Variants in SCARA3 observed in about 807,000 individuals in gnomAD.
SCARA3 encodes scavenger receptor class A member 3, also known as cellular stress response gene protein.
A neutral mutation model predicts 47.0 loss-of-function variants in SCARA3; 39 were observed. The observed-to-expected ratio is 0.83, with a 90% CI of 0.64 to 1.08. The LOEUF (loss-of-function observed/expected upper bound fraction) is 1.08, where lower values mean the gene tolerates loss of function less well. Among genes scored for constraint, SCARA3 ranks in the 50% least tolerant of loss-of-function variants. SCARA3 has a pLI of 0.00. For missense variants in SCARA3, 724 were observed against 792.3 expected, an observed-to-expected ratio of 0.91 and a Z score of 1.04; for synonymous variants, 356 against 334.1, an observed-to-expected ratio of 1.07 and a Z score of -0.71.
At chr8:27,717,945 A>C in the SCARA3 span, among the ~76,000 whole-genome samples, 1 of 152,010 alleles carries the variant, frequency 6.6e-6, no homozygotes, top group Non-Finnish European at 1.5e-5. Flanking sequence ...TTCCAACCGC[A>C]TCCTCTCAAT....
downstream of SCARA3, chr8:27,673,078 C>G: frequency 1.2e-6 from 1 of 849,466 alleles, no homozygotes; most frequent in Non-Finnish European, 1.4e-6. Flanking sequence ...CAGGGCTGCA[C>G]TCCAGGTGGG....
At chr8:27,676,598 T>G, downstream of SCARA3, 1 of 1,556,564 alleles carries the variant, frequency 6.4e-7, no homozygotes, top group Non-Finnish European at 8.9e-7. Context: ...TAATCGGATA[T>G]GATATGAAGC....
chr8:27,719,537 TAAA>T, the SCARA3 span, among the ~76,000 whole-genome samples: 1 of 139,664 alleles, frequency 7.2e-6, no homozygotes, highest in Admixed American at 7.4e-5. Context: ...AAATAAAAGT[TAAA>T]AAAAAAAAAA....
At chr8:27,710,260 C>T in the SCARA3 span, among the ~76,000 whole-genome samples, 1 of 150,346 alleles carries the variant, frequency 6.7e-6, no homozygotes, top group Non-Finnish European at 1.5e-5. Context: ...GGAGAGATTT[C>T]TCTTATGCTT....
chr8:27,723,708 C>A, the SCARA3 span, among the ~76,000 whole-genome samples: 1 of 152,126 alleles, frequency 6.6e-6, no homozygotes, highest in Non-Finnish European at 1.5e-5. Flanking sequence ...CCATGGAAAG[C>A]AAGACTAGGT....
chr8:27,699,016 A>C, the SCARA3 span, among the ~76,000 whole-genome samples: 32 of 151,860 alleles, frequency 2.1e-4, no homozygotes, highest in African/African-American at 7.5e-4. Context: ...AGGCCGAGGC[A>C]GGTGGATCAT....
chr8:27,723,860 C>T, the SCARA3 span, among the ~76,000 whole-genome samples: 114 of 152,276 alleles, frequency 7.5e-4, no homozygotes, highest in African/African-American at 2.4e-3. Flanking sequence ...CTCAGCCTCC[C>T]GAGTAGCTGG....
the SCARA3 span, among the ~76,000 whole-genome samples, chr8:27,719,916 T>C: frequency 6.6e-6 from 1 of 152,154 alleles, no homozygotes; most frequent in African/African-American, 2.4e-5. Flanking sequence ...GATTATAATT[T>C]ACTCTGAGAA....
At chr8:27,660,588 C>A (rs1801879181) in intron 5 of SCARA3, among the ~76,000 whole-genome samples, 1 of 143,406 alleles carries the variant, frequency 7.0e-6, no homozygotes. Context: ...TAGATAGATC[C>A]AGAGAAGCAA....
At chr8:27,723,801 T>A in the SCARA3 span, among the ~76,000 whole-genome samples, 1 of 152,220 alleles carries the variant, frequency 6.6e-6, no homozygotes, top group East Asian at 1.9e-4. Flanking sequence ...AACGGTGCGA[T>A]CTCAGCTCAC....
intron 5 of SCARA3, among the ~76,000 whole-genome samples, chr8:27,665,566 C>T (rs1801999265): frequency 6.6e-6 from 1 of 152,190 alleles, no homozygotes; most frequent in Non-Finnish European, 1.5e-5. Context: ...GAGACAGGGT[C>T]TCACTTTGTT....
At chr8:27,677,207 T>G (rs1802291497), downstream of SCARA3, among the ~76,000 whole-genome samples, 1 of 152,196 alleles carries the variant, frequency 6.6e-6, no homozygotes, top group Non-Finnish European at 1.5e-5. Context: ...AGATTCACCT[T>G]AGCTTCCTGT....
At chr8:27,649,525 C>T (rs1393355689) in intron 1 of SCARA3, among the ~76,000 whole-genome samples, 177 bp from the exon 2 acceptor site, 2 of 152,200 alleles carry the variant, frequency 1.3e-5, no homozygotes, top group East Asian at 3.8e-4. Context: ...ATCCCAGCTC[C>T]TCAGCCACTT....
the SCARA3 span, chr8:27,697,072 AG>A: frequency 6.6e-6 from 1 of 152,440 alleles, no homozygotes; most frequent in Non-Finnish European, 1.5e-5. Context: ...ATTTAAAAAA[AG>A]AAAAAAGAAA....
the SCARA3 span, among the ~76,000 whole-genome samples, chr8:27,726,175 G>A: frequency 1.3e-5 from 2 of 152,188 alleles, no homozygotes; most frequent in Non-Finnish European, 2.9e-5. Context: ...GGGAGCCCGT[G>A]GCAGGAGGAT....
chr8:27,688,802 C>T, the SCARA3 span, among the ~76,000 whole-genome samples: 3 of 152,160 alleles, frequency 2.0e-5, no homozygotes, highest in African/African-American at 7.2e-5. Context: ...CAACTTTAAA[C>T]ATCTAAAGTA....
the SCARA3 span, among the ~76,000 whole-genome samples, chr8:27,726,290 C>T: frequency 6.6e-6 from 1 of 152,120 alleles, no homozygotes; most frequent in Non-Finnish European, 1.5e-5. Context: ...TCTGTGGTCA[C>T]AGCTACTCAG....
At chr8:27,634,332 C>T (rs1407553506) in intron 1 of SCARA3, 125 bp downstream of exon 1, 2 of 864,110 alleles carry the variant, frequency 2.3e-6, no homozygotes, top group Non-Finnish European at 3.1e-6. Context: ...CTGGCTTTTC[C>T]CCTGCCTTTT....
the SCARA3 span, among the ~76,000 whole-genome samples, chr8:27,698,877 A>G: frequency 7.9e-5 from 12 of 152,262 alleles, no homozygotes; most frequent in African/African-American, 2.6e-4. Context: ...GGAGATATAT[A>G]TATATAGTGG....
Sources: allele counts gnomAD v4.1 joint callset (sites outside exome capture counted in the v4.1 genomes callset), GRCh38; gene constraint gnomAD v4.1.1; transcripts MANE v1.5; gene names NCBI Gene and HGNC (gene_info 2026-07-23, HGNC 2026-07-21).